NFATC3: variants seen among roughly 807,000 people sequenced by gnomAD.
NFATC3 encodes the protein nuclear factor of activated T cells 3.
Under a neutral mutation model 98.6 loss-of-function variants are expected in NFATC3, and 46 were observed. That is an observed-to-expected ratio of 0.47 (90% CI 0.37 to 0.60). The LOEUF (loss-of-function observed/expected upper bound fraction) is 0.60. NFATC3 is among the 20% of genes least tolerant of loss of function. The pLI, the probability that NFATC3 is intolerant of heterozygous loss-of-function variation, is 0.00. For missense variants in NFATC3, 1,256 were observed against 1,295.5 expected (o/e 0.97, Z 0.47); for synonymous variants, 512 against 472.2 (o/e 1.08, Z -1.09).
At chr16:68,210,834 T>G (rs1244451364) in intron 9 of NFATC3, among the ~76,000 whole-genome samples, 3 of 152,112 alleles carry the variant, frequency 2.0e-5, no homozygotes, top group African/African-American at 7.2e-5. Context: ...CAGGCAGGAA[T>G]GCAGTGGTGT....
intron 3 of NFATC3, among the ~76,000 whole-genome samples, chr16:68,128,813 C>G (rs2036975040): frequency 6.6e-6 from 1 of 151,818 alleles, no homozygotes; most frequent in South Asian, 2.1e-4. Flanking sequence ...CAACATGTCT[C>G]TTTAAAAAAC....
chr16:68,155,641 C>T (rs72790394), intron 3 of NFATC3, among the ~76,000 whole-genome samples: 138 of 152,298 alleles, frequency 9.1e-4, no homozygotes, highest in Non-Finnish European at 1.4e-3. Flanking sequence ...AGACATTCCA[C>T]CCGCCAGGCC....
At chr16:68,177,176 T>C (rs998996979) in intron 6 of NFATC3, among the ~76,000 whole-genome samples, 4 of 151,970 alleles carry the variant, frequency 2.6e-5, no homozygotes, top group Non-Finnish European at 5.9e-5. Context: ...GTCTCCCAAA[T>C]AGCTGGGATT....
chr16:68,117,787 G>A (rs548961138), intron 1 of NFATC3, among the ~76,000 whole-genome samples: 4 of 152,212 alleles, frequency 2.6e-5, no homozygotes, highest in Admixed American at 2.6e-4. Flanking sequence ...CAAAGTTCTG[G>A]GATTACAGGT....
Position 68,193,512 on chromosome 16 carries a change from T to C in NFATC3, c.3106+1737T>C, listed in dbSNP as rs117977809. On this transcript the variant is annotated intron_variant, in intron 9 of 9. Coordinates refer to ENST00000346183, the MANE Select transcript of NFATC3 (RefSeq NM_173165.3). Reference sequence around the variant, plus strand: ...AGACCTCATTTCTACCAAAAAACCCTACAAAAATTAGCTGGGTGTGGTGGT... The same window carrying C: ...AGACCTCATTTCTACCAAAAAACCCCACAAAAATTAGCTGGGTGTGGTGGT... 8.5e-4 allele frequency among the ~76,000 whole-genome samples: 129 copies of C among 152,048 alleles called. No homozygotes were observed. The East Asian group carries it at 0.022, about 26-fold the overall frequency.
intron 5 of NFATC3, among the ~76,000 whole-genome samples, chr16:68,168,606 C>T (rs527323221): frequency 6.6e-6 from 1 of 152,308 alleles, no homozygotes; most frequent in African/African-American, 2.4e-5. Flanking sequence ...CTGCCTCAGT[C>T]TCCTGAGTAG....
intron 3 of NFATC3, among the ~76,000 whole-genome samples, chr16:68,142,098 A>T (rs1190203780): frequency 1.3e-5 from 2 of 152,158 alleles, no homozygotes; most frequent in Admixed American, 6.5e-5. Flanking sequence ...ATGCTTTGTC[A>T]AAGATCAGCT....
intron 1 of NFATC3, among the ~76,000 whole-genome samples, chr16:68,102,297 A>G (rs984172652): frequency 7.0e-6 from 1 of 143,178 alleles, no homozygotes; most frequent in Non-Finnish European, 1.5e-5. Flanking sequence ...GCTTGAACCC[A>G]GGAGGCAGAG....
intron 1 of NFATC3, among the ~76,000 whole-genome samples, chr16:68,119,629 C>G (rs1238451155): frequency 6.6e-6 from 1 of 152,162 alleles, no homozygotes; most frequent in African/African-American, 2.4e-5. Flanking sequence ...CTGTATAGCT[C>G]AGTTACATTA....
intron 9 of NFATC3, among the ~76,000 whole-genome samples, chr16:68,196,203 T>G (rs1233083305): frequency 6.6e-6 from 1 of 152,120 alleles, no homozygotes; most frequent in Non-Finnish European, 1.5e-5. Context: ...CACTGCAACC[T>G]CTACCTACCA....
At chr16:68,214,445 T>C (rs2041550733) in intron 9 of NFATC3, 1 of 1,608,508 alleles carries the variant, frequency 6.2e-7, no homozygotes, top group Non-Finnish European at 8.5e-7. Flanking sequence ...GAGTGTTGAT[T>C]GAAATGTGTC....
rs750414443 is a variant in NFATC3 at position 68,192,319 on chromosome 16, G to GTATATA, written c.3106+553_3106+558dup. On this transcript the variant is annotated intron_variant, in intron 9 of 9. Transcript: ENST00000346183. ...TGTGTGTATATATATATATGTATGT[G>GTATATA]TATATATATATATAGAGAGAGAGAG... 336 of 130,738 alleles carry GTATATA rather than the reference G, an allele frequency of 2.6e-3. 2 individuals are homozygous for GTATATA. The highest frequency in any genetic ancestry group is 8.8e-3 in the African/African-American group (304 of 34,452). 8.1% of individuals were successfully genotyped at this position (130,738 alleles called of 1,614,324 possible).
intron 3 of NFATC3, chr16:68,138,865 G>T: frequency 9.5e-7 from 1 of 1,051,090 alleles, no homozygotes; most frequent in Middle Eastern, 2.5e-4. Flanking sequence ...ACGGGCTCTA[G>T]AGCCAGACTG....
intron 3 of NFATC3, among the ~76,000 whole-genome samples, chr16:68,150,469 C>T (rs2151559904): frequency 6.7e-6 from 1 of 148,400 alleles, no homozygotes; most frequent in South Asian, 2.1e-4. Flanking sequence ...GATGTCCTAG[C>T]TACTCTAGAG....
intron 1 of NFATC3, among the ~76,000 whole-genome samples, chr16:68,088,486 A>ATAATATATATTTT (rs1447208332): frequency 6.8e-6 from 1 of 146,906 alleles, no homozygotes; most frequent in Non-Finnish European, 1.5e-5. Context: ...TGTAGTGTAT[A>ATAATATATATTTT]TAATATATAT....
At chr16:68,180,091 C>A (rs1417704168) in intron 6 of NFATC3, among the ~76,000 whole-genome samples, 1 of 152,158 alleles carries the variant, frequency 6.6e-6, no homozygotes, top group East Asian at 1.9e-4. Context: ...GGTCATTTCT[C>A]ACCTAGGTTA....
intron 1 of NFATC3, among the ~76,000 whole-genome samples, chr16:68,092,731 AC>A (rs761822380): frequency 6.6e-6 from 1 of 152,196 alleles, no homozygotes. Flanking sequence ...TTTCTTAAAA[AC>A]AAAAACAAAC....
At chr16:68,088,868 C>G in intron 1 of NFATC3, 1 of 454,166 alleles carries the variant, frequency 2.2e-6, no homozygotes, top group Non-Finnish European at 2.9e-6. Flanking sequence ...ATGGAAGTCT[C>G]ACTATGTTGC....
intron 5 of NFATC3, among the ~76,000 whole-genome samples, chr16:68,171,850 G>A (rs1196380226): frequency 2.0e-5 from 3 of 151,564 alleles, no homozygotes; most frequent in Non-Finnish European, 2.9e-5. Context: ...GTGCAGTGGC[G>A]CGATCTCGGC....
Sources: allele counts gnomAD v4.1 joint callset (sites outside exome capture counted in the v4.1 genomes callset), GRCh38; gene constraint gnomAD v4.1.1; transcripts MANE v1.5; gene names NCBI Gene and HGNC (gene_info 2026-07-23, HGNC 2026-07-21).